NCOA2: variants seen among roughly 807,000 people sequenced by gnomAD.
NCOA2 encodes nuclear receptor coactivator 2, also known as class E basic helix-loop-helix protein 75.
In NCOA2, 21 loss-of-function variants were observed where a neutral mutation model predicts 145.1. The observed-to-expected ratio is 0.14, with a 90% CI of 0.10 to 0.21. The LOEUF is 0.21. NCOA2 is among the 10% of genes least tolerant of loss of function. The probability of loss-of-function intolerance (pLI) is 1.00; values close to 1 mark genes in which losing one functional copy is unlikely to be tolerated. For missense variants in NCOA2, 1,472 were observed against 1,837.6 expected, an observed-to-expected ratio of 0.80 and a Z score of 3.64; for synonymous variants, 619 against 637.5, an observed-to-expected ratio of 0.97 and a Z score of 0.44.
At chr8:70,368,844 A>G (rs1810941821) in intron 1 of NCOA2, among the ~76,000 whole-genome samples, 1 of 152,152 alleles carries the variant, frequency 6.6e-6, no homozygotes, top group Admixed American at 6.5e-5. Context: ...ACCCCTCCCA[A>G]AACTGCACAA....
At chr8:70,316,090 G>A (rs556409682) in intron 1 of NCOA2, among the ~76,000 whole-genome samples, 23 of 152,252 alleles carry the variant, frequency 1.5e-4, no homozygotes, top group South Asian at 6.2e-4. Context: ...AGAGTCATCC[G>A]CACGATGCAT....
intron 4 of NCOA2, among the ~76,000 whole-genome samples, chr8:70,191,914 G>A (rs537615065): frequency 3.3e-5 from 5 of 152,084 alleles, no homozygotes; most frequent in African/African-American, 7.2e-5. Flanking sequence ...GGTGGAAGGC[G>A]CCTGTAATCC....
At chr8:70,438,828 G>A in the NCOA2 span, among the ~76,000 whole-genome samples, 1 of 152,200 alleles carries the variant, frequency 6.6e-6, no homozygotes, top group Non-Finnish European at 1.5e-5. Flanking sequence ...TCAAGTCTAT[G>A]TGATACCAAA....
chr8:70,133,071 G>T (rs1178140801), intron 15 of NCOA2, among the ~76,000 whole-genome samples: 1 of 148,728 alleles, frequency 6.7e-6, no homozygotes, highest in Non-Finnish European at 1.5e-5. Context: ...GTAGAGGAGG[G>T]GTGTGTGTGT....
chr8:70,127,536 C>T (rs1808566218), intron 18 of NCOA2, among the ~76,000 whole-genome samples: 1 of 152,038 alleles, frequency 6.6e-6, no homozygotes, highest in Admixed American at 6.6e-5. Flanking sequence ...TAAGAACGCA[C>T]AGAGACCGAG....
chr8:70,296,574 A>C (rs78869932), intron 2 of NCOA2, among the ~76,000 whole-genome samples, 170 bp downstream of exon 2: 6,935 of 152,298 alleles, frequency 0.046, 260 homozygotes, highest in East Asian at 0.16. Context: ...GTTATTTCCA[A>C]TACATTTGTA....
At chr8:70,142,788 ATAT>A (rs1810591355) in intron 13 of NCOA2, among the ~76,000 whole-genome samples, 1 of 152,196 alleles carries the variant, frequency 6.6e-6, no homozygotes. Context: ...CTATAGAAAA[ATAT>A]TATGGGAAAA....
At chr8:70,158,957 G>A (rs537363221) in intron 10 of NCOA2, among the ~76,000 whole-genome samples, 1 of 151,464 alleles carries the variant, frequency 6.6e-6, no homozygotes, top group Non-Finnish European at 1.5e-5. Context: ...CAATTAACTA[G>A]TGTTAAGGCT....
At chr8:70,185,773 C>G (rs1268448865) in intron 4 of NCOA2, among the ~76,000 whole-genome samples, 1 of 152,172 alleles carries the variant, frequency 6.6e-6, no homozygotes, top group East Asian at 1.9e-4. Context: ...AAGACAAAAA[C>G]TAGGTAATTT....
chr8:70,267,655 T>C (rs191249499), intron 2 of NCOA2, among the ~76,000 whole-genome samples: 66 of 152,210 alleles, frequency 4.3e-4, no homozygotes, highest in Admixed American at 9.8e-4. Context: ...TGCTAGGTGA[T>C]GGAAATGCTG....
At chr8:70,213,763 T>C in intron 4 of NCOA2, 140 bp downstream of exon 4, 1 of 724,518 alleles carries the variant, frequency 1.4e-6, no homozygotes, top group Non-Finnish European at 2.2e-6. Context: ...GATACTTGCA[T>C]TCATCTTACA....
chr8:70,390,030 T>C (rs1473373800), intron 1 of NCOA2, among the ~76,000 whole-genome samples: 2 of 152,230 alleles, frequency 1.3e-5, no homozygotes, highest in Non-Finnish European at 2.9e-5. Context: ...TTCAAGTTCA[T>C]AGTCACCTTA....
chr8:70,232,047 C>T (rs1821185110), intron 2 of NCOA2, among the ~76,000 whole-genome samples: 2 of 152,168 alleles, frequency 1.3e-5, no homozygotes, highest in African/African-American at 2.4e-5. Context: ...CCACTTCGGC[C>T]GCTGCCTTCT....
chr8:70,276,746 A>G (rs1469478148), intron 2 of NCOA2, among the ~76,000 whole-genome samples: 1 of 152,136 alleles, frequency 6.6e-6, no homozygotes, highest in African/African-American at 2.4e-5. Flanking sequence ...TCTTTCCTTT[A>G]TAAATTACCC....
chr8:70,324,650 T>C (rs756305705), intron 1 of NCOA2, among the ~76,000 whole-genome samples: 2 of 152,078 alleles, frequency 1.3e-5, no homozygotes. Context: ...AAGGTACTCA[T>C]ATAGGATAAA....
At chr8:70,149,186 C>T (rs952858617) in intron 11 of NCOA2, among the ~76,000 whole-genome samples, 1 of 151,774 alleles carries the variant, frequency 6.6e-6, no homozygotes, top group African/African-American at 2.4e-5. Context: ...GGTTGCCCCC[C>T]AAACATAGCA....
intron 1 of NCOA2, among the ~76,000 whole-genome samples, chr8:70,367,074 G>A (rs750077983): frequency 6.6e-6 from 1 of 152,150 alleles, no homozygotes; most frequent in African/African-American, 2.4e-5. Flanking sequence ...ATAGCAACCC[G>A]ATCATGTCTG....
chr8:70,147,096 C>T (rs1234701831), intron 12 of NCOA2, among the ~76,000 whole-genome samples: 3 of 151,438 alleles, frequency 2.0e-5, no homozygotes, highest in African/African-American at 4.9e-5. Context: ...TTTGAGAGGT[C>T]ACATGCAAAT....
chr8:70,280,090 C>T (rs78843343), intron 2 of NCOA2, among the ~76,000 whole-genome samples: 2,259 of 152,240 alleles, frequency 0.015, 62 homozygotes, highest in African/African-American at 0.053. Flanking sequence ...AGAGACTATA[C>T]CTACCTTTCA....
Sources: gnomAD v4.1 joint callset for allele counts (sites outside exome capture counted in the v4.1 genomes callset) on GRCh38, gnomAD v4.1.1 for gene constraint, MANE v1.5 for transcripts, NCBI Gene and HGNC (gene_info 2026-07-23, HGNC 2026-07-21) for gene names.